The following ZNF710 variants were observed in gnomAD, a reference collection of about 807,000 sequenced individuals.
ZNF710 encodes zinc finger protein 710.
A neutral mutation model predicts 50.6 loss-of-function variants in ZNF710; 13 were observed. The observed-to-expected ratio is 0.26, with a 90% CI of 0.17 to 0.41. ZNF710 has a LOEUF of 0.41. Among genes scored for constraint, ZNF710 ranks in the 10% least tolerant of loss-of-function variants. The pLI, the probability that ZNF710 is intolerant of heterozygous loss-of-function variation, is 1.00. For synonymous variants in ZNF710, 383 were observed against 397.0 expected, an observed-to-expected ratio of 0.96 and a Z score of 0.42; for missense variants, 721 against 936.6, an observed-to-expected ratio of 0.77 and a Z score of 3.01.
chr15:90,038,742 A>T (rs867838715), intron 1 of ZNF710, among the ~76,000 whole-genome samples: 41 of 68,856 alleles, frequency 6.0e-4, no homozygotes, highest in African/African-American at 3.2e-3. Flanking sequence ...TGTGTGTGTG[A>T]GACATTGGCT....
intron 1 of ZNF710, among the ~76,000 whole-genome samples, chr15:90,036,345 C>T (rs1285147548): frequency 2.6e-5 from 4 of 151,138 alleles, no homozygotes; most frequent in African/African-American, 9.7e-5. Context: ...TCACTTGGCG[C>T]TGTTCGATTT....
intron 1 of ZNF710, among the ~76,000 whole-genome samples, chr15:90,020,285 G>A (rs1898575514): frequency 6.6e-6 from 1 of 152,120 alleles, no homozygotes; most frequent in Non-Finnish European, 1.5e-5. Flanking sequence ...CTCCTGCCGG[G>A]ACCTAGACTG....
rs1232766486 is a variant in ZNF710, at chr15:90,046,720, T to A, written c.-28-20390T>A. Among the ~76,000 whole-genome samples the A allele has an allele frequency of 5.9e-5, 9 of 152,236 alleles. No homozygotes were observed. In the East Asian group the frequency reaches 1.7e-3, roughly 29 times the overall value. ...TGCAAGTTGGGTGCTAACACCCACT[T>A]CCCAGGAGGAGGGTCTGGGGCTCCA... On this transcript the variant is annotated intron_variant, in intron 1 of 4. Coordinates refer to ENST00000268154, the MANE Select transcript of ZNF710 (RefSeq NM_198526.4).
chr15:90,066,169 C>T (rs1056855331), intron 1 of ZNF710, among the ~76,000 whole-genome samples: 2 of 152,188 alleles, frequency 1.3e-5, no homozygotes, highest in Non-Finnish European at 2.9e-5. Context: ...TGTTTATCGT[C>T]GGGGCTGACA....
chr15:90,068,124 C>T lies in ZNF710; in HGVS notation c.987C>T (p.Ser329=). Residue 329 remains serine, a synonymous_variant, in exon 2 of 5, where the codon AGC becomes AGT. Coordinates refer to ENST00000268154, the MANE Select transcript of ZNF710 (RefSeq NM_198526.4). The surrounding 1 kb of genome is among the most constrained non-coding windows in gnomAD (Gnocchi z 5.0). Reference sequence around the variant, plus strand: ...AGCCACACTCGTGCCCACACTGCAGCAAGCTCTTCAAGCAGCCCAGCCACC... The same window carrying T: ...AGCCACACTCGTGCCCACACTGCAGTAAGCTCTTCAAGCAGCCCAGCCACC... ...GIKPHSCPHC[S]KLFKQPSHLQ... The T allele has an allele frequency of 1.9e-6, 3 of 1,614,250 alleles. No homozygotes were observed. The highest frequency in any genetic ancestry group is 1.6e-4 in the Middle Eastern group (1 of 6,062).
chr15:90,056,647 C>A (rs924333895), intron 1 of ZNF710, among the ~76,000 whole-genome samples: 1 of 152,194 alleles, frequency 6.6e-6, no homozygotes, highest in Admixed American at 6.5e-5. Flanking sequence ...TAAAGAAGCA[C>A]GCATGCGTTT....
chr15:90,065,114 C>T (rs1436435949), intron 1 of ZNF710, among the ~76,000 whole-genome samples: 5 of 152,194 alleles, frequency 3.3e-5, no homozygotes, highest in Admixed American at 1.3e-4. Context: ...ATCCCTTCCA[C>T]GAGAGCCTCA....
At chr15:90,070,777 C>T (rs989696474) in intron 2 of ZNF710, among the ~76,000 whole-genome samples, 2 of 152,240 alleles carry the variant, frequency 1.3e-5, no homozygotes, top group African/African-American at 4.8e-5. Context: ...TGTGATTGCG[C>T]CACTGCACTC....
intron 1 of ZNF710, among the ~76,000 whole-genome samples, chr15:90,055,205 A>G (rs944950827): frequency 4.6e-5 from 7 of 152,168 alleles, no homozygotes; most frequent in Non-Finnish European, 1.0e-4. Flanking sequence ...GAAATTTGAG[A>G]TTGCACAGGA....
chr15:90,024,203 C>T (rs752634868), intron 1 of ZNF710, among the ~76,000 whole-genome samples: 79 of 152,334 alleles, frequency 5.2e-4, no homozygotes, highest in African/African-American at 1.9e-3. Flanking sequence ...GCACTGGGCA[C>T]CCCAGTATCT....
chr15:90,064,390 G>A (rs1900105073), intron 1 of ZNF710, among the ~76,000 whole-genome samples: 1 of 152,232 alleles, frequency 6.6e-6, no homozygotes, highest in Non-Finnish European at 1.5e-5. Context: ...AATCACTTAA[G>A]CTTTGCTGAA....
chr15:90,079,890 G>T lies in ZNF710; in HGVS notation c.*61G>T. 40 of 1,449,858 alleles carry T rather than the reference G, an allele frequency of 2.8e-5. No individual in the cohort carries two copies. The highest frequency in any genetic ancestry group is 3.6e-5 in the Non-Finnish European group (39 of 1,086,736). 89.8% of individuals were successfully genotyped at this position (1,449,858 alleles called of 1,614,324 possible). On this transcript the variant is annotated 3_prime_UTR_variant, in exon 5 of 5. Transcript: ENST00000268154. ...GAGGGCATGGGGGTGAGACCCATGG[G>T]CTGCAGGCTGCACCTCCTGCAGCCG...
Position 90,068,653 on chromosome 15 carries a change from A to G in ZNF710, c.1458+58A>G. On this transcript the variant is annotated intron_variant, in intron 2 of 4. Transcript: ENST00000268154. This position sits in a 1 kb window ranked among gnomAD's most constrained non-coding sequence, Gnocchi z 5.0. ...TGCCCCTCCTGCCACTTTTTCATCC[A>G]GTACTTTCCAAAGTCCCAGATGGGA... The G allele has an allele frequency of 6.5e-7, 1 of 1,527,760 alleles. No homozygotes were observed. Among genetic ancestry groups the G allele is most frequent in the Non-Finnish European group, 8.8e-7 (1 of 1,140,020 alleles). 94.6% of individuals were successfully genotyped at this position (1,527,760 alleles called of 1,614,324 possible).
At chr15:90,012,092 C>T (rs1253895352) in intron 1 of ZNF710, among the ~76,000 whole-genome samples, 4 of 151,924 alleles carry the variant, frequency 2.6e-5, no homozygotes, top group Non-Finnish European at 4.4e-5. Context: ...GTAGTCCCAG[C>T]TACTCGGGAG....
Position 90,035,036 on chromosome 15 carries a change from G to A in ZNF710, c.-28-32074G>A, listed in dbSNP as rs369783381. ...AGGTTCTAGCAAGGTAAAGAGGCCC[G>A]TATAGTACTGGGATTTTGGATCCCT... On this transcript the variant is annotated intron_variant, in intron 1 of 4. Coordinates refer to ENST00000268154, the MANE Select transcript of ZNF710 (RefSeq NM_198526.4). Among the ~76,000 whole-genome samples the A allele has an allele frequency of 8.1e-4, 123 of 152,362 alleles. No homozygotes were observed. The East Asian group carries it at 0.014, about 17-fold the overall frequency.
At chr15:90,047,057 C>G (rs1899485003) in intron 1 of ZNF710, among the ~76,000 whole-genome samples, 1 of 152,192 alleles carries the variant, frequency 6.6e-6, no homozygotes, top group South Asian at 2.1e-4. Flanking sequence ...CTCCTTACGC[C>G]CATGAAGATG....
intron 4 of ZNF710, 151 bp downstream of exon 4, chr15:90,074,441 G>T: frequency 1.3e-6 from 2 of 1,538,610 alleles, no homozygotes; most frequent in Non-Finnish European, 1.7e-6. Context: ...ACCCTGGAAG[G>T]CCATGATGAC....
At chr15:90,037,270 C>G (rs755658752) in intron 1 of ZNF710, among the ~76,000 whole-genome samples, 15 of 152,232 alleles carry the variant, frequency 9.9e-5, no homozygotes, top group Admixed American at 2.6e-4. Flanking sequence ...TTCTCCCCTT[C>G]CCTTGGAAGA....
Position 90,064,555 on chromosome 15 carries a change from T to G in ZNF710, c.-28-2555T>G, listed in dbSNP as rs568065269. 3.3e-5 allele frequency among the ~76,000 whole-genome samples: 5 copies of G among 152,316 alleles called. No individual in the cohort carries two copies. In the East Asian group the frequency reaches 9.7e-4, roughly 29 times the overall value. On this transcript the variant is annotated intron_variant, in intron 1 of 4. Transcript: ENST00000268154. ...CAGGCTGGAATGCAATGGTGCGATC[T>G]CTGCTCACTGCAACTTCCGCCTCCT...
Sources: gnomAD v4.1 joint callset for allele counts (sites outside exome capture counted in the v4.1 genomes callset) on GRCh38, gnomAD v4.1.1 for gene constraint, Gnocchi (gnomAD v3.1) non-coding constraint, MANE v1.5 for transcripts, NCBI Gene and HGNC (gene_info 2026-07-23, HGNC 2026-07-21) for gene names.